Variants in AOAH observed in about 807,000 individuals in gnomAD.
AOAH encodes the protein acyloxyacyl hydrolase.
Under a neutral mutation model 92.2 loss-of-function variants are expected in AOAH, and 64 were observed. The ratio of observed to expected loss-of-function variants is 0.69; its 90% confidence interval spans 0.57 to 0.86. The LOEUF (loss-of-function observed/expected upper bound fraction) is 0.86. AOAH is among the 40% of genes least tolerant of loss of function. The probability of loss-of-function intolerance (pLI) is 0.00; values close to 1 mark genes in which losing one functional copy is unlikely to be tolerated. For synonymous variants in AOAH, 263 were observed against 254.5 expected (o/e 1.03, Z -0.32); for missense variants, 656 against 694.6 (o/e 0.94, Z 0.62).
At chr7:36,670,891 G>C (rs1001753249) in intron 3 of AOAH, among the ~76,000 whole-genome samples, 1 of 152,050 alleles carries the variant, frequency 6.6e-6, no homozygotes. Flanking sequence ...TGATCCTTGT[G>C]CTTCACTGGT....
intron 20 of AOAH, among the ~76,000 whole-genome samples, chr7:36,518,703 A>G (rs1157832400): frequency 6.6e-6 from 1 of 152,262 alleles, no homozygotes; most frequent in East Asian, 1.9e-4. Flanking sequence ...CATCTTTCAG[A>G]GCCCACTTTC....
chr7:36,613,435 T>C (rs1225633097), intron 11 of AOAH, among the ~76,000 whole-genome samples: 1 of 151,996 alleles, frequency 6.6e-6, no homozygotes, highest in African/African-American at 2.4e-5. Flanking sequence ...GTAGTGGGGG[T>C]TGTGGGCTGA....
At chr7:36,612,310 T>C (rs1483724249) in intron 11 of AOAH, among the ~76,000 whole-genome samples, 2 of 152,226 alleles carry the variant, frequency 1.3e-5, no homozygotes, top group African/African-American at 4.8e-5. Context: ...ATACATACTA[T>C]TTTGTAACCT....
chr7:36,527,530 T>TG (rs1784464359), intron 19 of AOAH, among the ~76,000 whole-genome samples: 1 of 148,576 alleles, frequency 6.7e-6, no homozygotes, highest in South Asian at 2.1e-4. Context: ...TGAATGGAGC[T>TG]GGGGGGTGGG....
rs988475818 is a variant in AOAH at position 36,518,207 on chromosome 7, TTTGTTGTTA to T, written c.1599+3823_1599+3831del. ...GATCTCTTTTTTTTGTTTTGTTTTG[TTTGTTGTTA>T]TTGTTGTTTTTGAGATGAAGTCTCG... On this transcript the variant is annotated intron_variant, in intron 20 of 20. Transcript: ENST00000617537. Among the ~76,000 whole-genome samples, 61 of 151,460 alleles carry T rather than the reference TTTGTTGTTA, an allele frequency of 4.0e-4. 3 individuals are homozygous for T. The highest frequency in any genetic ancestry group is 7.4e-5 in the Non-Finnish European group (5 of 67,848).
rs116147186 is a variant in AOAH at position 36,538,938 on chromosome 7, C to G, written c.1306+1381G>C. Reference sequence around the variant, plus strand: ...GAGAATAGGGAATGTGGGTGTCCACCATTGTCCCTCCAACTAAGAGACCAG... The same window carrying G: ...GAGAATAGGGAATGTGGGTGTCCACGATTGTCCCTCCAACTAAGAGACCAG... On this transcript the variant is annotated intron_variant, in intron 16 of 20. Coordinates refer to ENST00000617537, the MANE Select transcript of AOAH (RefSeq NM_001637.4). 2.8e-3 allele frequency among the ~76,000 whole-genome samples: 433 copies of G among 152,278 alleles called. 3 individuals carry two copies. The highest frequency in any genetic ancestry group is 9.9e-3 in the African/African-American group (410 of 41,570).
rs530975556 is a variant in AOAH, at chr7:36,634,301, G to A, written c.451-2195C>T. Reference sequence around the variant, plus strand: ...AGCTCGGCGCCACACCCTGGGCCTGGTAGTTAAAGATTGACCCCTGACCTA... The same window carrying A: ...AGCTCGGCGCCACACCCTGGGCCTGATAGTTAAAGATTGACCCCTGACCTA... On this transcript the variant is annotated intron_variant, in intron 5 of 20. Transcript: ENST00000617537. Among the ~76,000 whole-genome samples the A allele has an allele frequency of 2.6e-5, 4 of 152,254 alleles. No homozygotes were observed. In the South Asian group the frequency reaches 8.3e-4, roughly 32 times the overall value.
chr7:36,703,254 A>G (rs1244236332), intron 1 of AOAH, among the ~76,000 whole-genome samples: 1 of 152,042 alleles, frequency 6.6e-6, no homozygotes, highest in Admixed American at 6.6e-5. Flanking sequence ...CTTAATGCTG[A>G]TATTTTGACC....
At chr7:36,596,040 G>T (rs1790085536) in intron 11 of AOAH, among the ~76,000 whole-genome samples, 1 of 152,192 alleles carries the variant, frequency 6.6e-6, no homozygotes, top group South Asian at 2.1e-4. Context: ...GCTAGAGGCT[G>T]CGAGGGAAAG....
chr7:36,540,333 C>G lies in AOAH; in HGVS notation c.1292G>C (p.Arg431Thr), dbSNP rs140099559. The change falls in exon 16 of 21, where the codon AGA (arginine) becomes ACA (threonine). Residue 431 changes from arginine (R) to threonine (T), a missense_variant. Physicochemically the swap from Arg to Thr is moderately conservative, Grantham distance 71. Coordinates refer to ENST00000617537, the MANE Select transcript of AOAH (RefSeq NM_001637.4). ...CAAACTGATACCGAGAGGATGATAT[C>G]TGTTGTGCAAATTATCCCAGAGAAA... Reference protein sequence around the residue: ...GTFLWDNLHNRYHPLGQLNKD... With the variant: ...GTFLWDNLHNTYHPLGQLNKD... 1 of 1,612,616 alleles carries G rather than the reference C, an allele frequency of 6.2e-7. No homozygotes were observed. The highest frequency in any genetic ancestry group is 8.5e-7 in the Non-Finnish European group (1 of 1,179,370).
chr7:36,546,123 C>T (rs150958386), intron 15 of AOAH, among the ~76,000 whole-genome samples: 4 of 152,322 alleles, frequency 2.6e-5, no homozygotes, highest in Admixed American at 6.5e-5. Context: ...ATCTTCCAAT[C>T]GTGACCCTCA....
At chr7:36,558,058 G>A (rs1270015580) in intron 13 of AOAH, among the ~76,000 whole-genome samples, 2 of 152,174 alleles carry the variant, frequency 1.3e-5, no homozygotes, top group Admixed American at 6.5e-5. Flanking sequence ...GAGGAGAGGC[G>A]CTCTGCTTTT....
chr7:36,710,646 G>A lies in AOAH; in HGVS notation c.127+13376C>T, dbSNP rs1400941041. ...TGATAAGTGTGTGGCAATTTATCACGGAGCAATAGAAAGCTAATACACTGT... is the reference window on the plus strand; with the variant it reads ...TGATAAGTGTGTGGCAATTTATCACAGAGCAATAGAAAGCTAATACACTGT... On this transcript the variant is annotated intron_variant, in intron 1 of 20. Coordinates refer to ENST00000617537, the MANE Select transcript of AOAH (RefSeq NM_001637.4). 3.9e-5 allele frequency among the ~76,000 whole-genome samples: 6 copies of A among 152,166 alleles called. No homozygotes were observed. The South Asian group carries it at 6.2e-4, about 16-fold the overall frequency.
intron 3 of AOAH, among the ~76,000 whole-genome samples, chr7:36,668,266 G>T (rs1795680969): frequency 6.6e-6 from 1 of 152,174 alleles, no homozygotes; most frequent in Admixed American, 6.5e-5. Context: ...ACTCACAAAA[G>T]AGTGGGTGGG....
intron 1 of AOAH, among the ~76,000 whole-genome samples, chr7:36,711,672 G>A (rs1314164382): frequency 1.3e-5 from 2 of 152,174 alleles, no homozygotes; most frequent in African/African-American, 2.4e-5. Flanking sequence ...CACGGTAAAG[G>A]GCACGTGCAG....
intron 1 of AOAH, among the ~76,000 whole-genome samples, chr7:36,718,179 T>C (rs1455652102): frequency 1.3e-5 from 2 of 152,058 alleles, no homozygotes; most frequent in Non-Finnish European, 2.9e-5. Flanking sequence ...AAAGAAGATA[T>C]ACAAATGGCC....
At position 36,582,594 on chromosome 7, in the gene AOAH, A is replaced by T. The variant is rs376845756; in HGVS notation, c.939-5938T>A. Among the ~76,000 whole-genome samples, 18 of 152,328 alleles carry T rather than the reference A, an allele frequency of 1.2e-4. No individual in the cohort carries two copies. In the East Asian group the frequency reaches 1.9e-3, roughly 16 times the overall value. Reference sequence around the variant, plus strand: ...GCTTCCTAATGCCTTCCCCCACTGCATTTCGGTAGAACAAAACAGAGTAAT... The same window carrying T: ...GCTTCCTAATGCCTTCCCCCACTGCTTTTCGGTAGAACAAAACAGAGTAAT... On this transcript the variant is annotated intron_variant, in intron 12 of 20. Transcript: ENST00000617537.
At chr7:36,663,059 T>C (rs1057202969) in intron 3 of AOAH, among the ~76,000 whole-genome samples, 10 of 151,516 alleles carry the variant, frequency 6.6e-5, no homozygotes, top group African/African-American at 9.7e-5. Context: ...GCTGAATCTT[T>C]AAGCAGTCTG....
intron 13 of AOAH, among the ~76,000 whole-genome samples, chr7:36,562,160 C>A (rs1787322022): frequency 6.6e-6 from 1 of 152,166 alleles, no homozygotes; most frequent in South Asian, 2.1e-4. Context: ...GTCACTGTTT[C>A]TTGTTAATTT....
Sources: allele counts gnomAD v4.1 joint callset (sites outside exome capture counted in the v4.1 genomes callset), GRCh38; gene constraint gnomAD v4.1.1; transcripts MANE v1.5; gene names NCBI Gene and HGNC (gene_info 2026-07-23, HGNC 2026-07-21).